The following NAALADL1 variants were observed in gnomAD, a reference collection of about 807,000 sequenced individuals.
NAALADL1 encodes the protein N-acetylated alpha-linked acidic dipeptidase like 1, also known as aminopeptidase NAALADL1.
In NAALADL1, 77 loss-of-function variants were observed where a neutral mutation model predicts 82.8. The ratio of observed to expected loss-of-function variants is 0.93; its 90% CI spans 0.77 to 1.12. NAALADL1 has a LOEUF of 1.12. Among genes scored for constraint, NAALADL1 ranks in the 50% most tolerant of loss-of-function variants. The probability of loss-of-function intolerance (pLI) is 0.00; values close to 1 mark genes in which losing one functional copy is unlikely to be tolerated. For synonymous variants in NAALADL1, 358 were observed against 399.2 expected (o/e 0.90, Z 1.23); for missense variants, 956 against 964.0 (o/e 0.99, Z 0.11).
chr11:65,049,209 T>G (rs1201404247), intron 8 of NAALADL1, among the ~76,000 whole-genome samples: 1 of 152,106 alleles, frequency 6.6e-6, no homozygotes, highest in Non-Finnish European at 1.5e-5. Flanking sequence ...TTGGTAGAGA[T>G]GGGGTTTGTC....
At chr11:65,047,833 A>G (rs1946775287) in intron 11 of NAALADL1, 95 bp from the exon 12 acceptor site, 1 of 1,474,592 alleles carries the variant, frequency 6.8e-7, no homozygotes, top group Non-Finnish European at 9.2e-7. Flanking sequence ...CCCGTGGTCC[A>G]GTCCTTACGA....
chr11:65,051,315 CTTTTTTTTT>C (rs10535126), intron 8 of NAALADL1, among the ~76,000 whole-genome samples: 25 of 59,572 alleles, frequency 4.2e-4, no homozygotes, highest in Non-Finnish European at 5.7e-4. Flanking sequence ...TTCTTTCTTT[CTTTTTTTTT>C]TTTTTTTTTT....
In NAALADL1 at chr11:65,047,499, C is replaced by G. The variant is rs776565278; in HGVS notation, c.1575G>C (p.Met525Ile). 5.1e-6 allele frequency: 8 copies of G among 1,567,682 alleles called. No individual in the cohort carries two copies. The South Asian group carries it at 5.9e-5, about 12-fold the overall frequency. ...PFVHFLGISSMDIAYTYDRSK... is the reference protein window; with the variant it reads ...PFVHFLGISSIDIAYTYDRSK... Reference sequence around the variant, plus strand: ...CCCGGTCATAGGTATAGGCAATGTCCATGGAGGAGATGCCCAGGAAGTGAA... The same window carrying G: ...CCCGGTCATAGGTATAGGCAATGTCGATGGAGGAGATGCCCAGGAAGTGAA... Residue 525 changes from methionine to isoleucine, a missense_variant, in exon 13 of 18, where the codon ATG becomes ATC. Transcript: ENST00000358658.
At chr11:65,048,604 A>C (rs767049311) in intron 8 of NAALADL1, 3 of 584,478 alleles carry the variant, frequency 5.1e-6, no homozygotes, top group Non-Finnish European at 9.2e-6. Flanking sequence ...CCCTTCTACC[A>C]GAATGCCTAC....
chr11:65,046,332 G>T lies in NAALADL1; in HGVS notation c.1712C>A (p.Thr571Lys). 1.9e-6 allele frequency: 3 copies of T among 1,614,220 alleles called. No homozygotes were observed. Among genetic ancestry groups the T allele is most frequent in the Non-Finnish European group, 2.5e-6 (3 of 1,180,046 alleles). ...GAGCCGGAGAATCACACTCCCCGCT[G>T]TCCGGGCCACAGCCTGATGGCTGCT... ...GFSSHQAVAR[T>K]AGSVILRLSD... is the part of the protein sequence containing the mutation. Residue 571 changes from threonine (T) to lysine (K), a missense_variant, in exon 15 of 18, where the codon ACA becomes AAA. Transcript: ENST00000358658.
At chr11:65,058,286 T>C in intron 1 of NAALADL1, 36 bp from the exon 2 acceptor site, 1 of 1,613,772 alleles carries the variant, frequency 6.2e-7, no homozygotes, top group South Asian at 1.1e-5. Context: ...AGGGCCAGCA[T>C]CAGGGAGGGG....
At position 65,046,213 on chromosome 11, in the gene NAALADL1, G is replaced by C. The variant is rs36053340; in HGVS notation, c.1831C>G (p.Leu611Val). Reference sequence around the variant, plus strand: ...CCCAGGCTGATGCTGTGCTGCTCCAGCAGGGCCCCAAGATCTTGCTGGGCT... The same window carrying C: ...CCCAGGCTGATGCTGTGCTGCTCCACCAGGGCCCCAAGATCTTGCTGGGCT... Reference protein sequence around the residue: ...QAAQQDLGALLEQHSISLGPL... With the variant: ...QAAQQDLGALVEQHSISLGPL... The change falls in exon 15 of 18, where the codon CTG (leucine) becomes GTG (valine). Residue 611 changes from leucine to valine, a missense_variant. Leu to Val is a conservative substitution (Grantham distance 32). Coordinates refer to ENST00000358658, the MANE Select transcript of NAALADL1 (RefSeq NM_005468.3). 73,226 of 1,614,090 alleles carry C rather than the reference G, an allele frequency of 0.045. 2,014 individuals carry two copies. Among genetic ancestry groups the C allele is most frequent in the Middle Eastern group, 0.054 (326 of 6,060 alleles).
chr11:65,051,651 C>T (rs1240678277), intron 8 of NAALADL1, among the ~76,000 whole-genome samples: 1 of 152,048 alleles, frequency 6.6e-6, no homozygotes, highest in Non-Finnish European at 1.5e-5. Context: ...CATTTCTGAA[C>T]TGCGACATCA....
intron 17 of NAALADL1, 84 bp downstream of exon 17, chr11:65,045,738 A>G: frequency 7.4e-7 from 1 of 1,354,026 alleles, no homozygotes; most frequent in Admixed American, 1.8e-5. Context: ...TAAAGGGCAG[A>G]GAAGCTGACC....
At position 65,053,567 on chromosome 11, in the gene NAALADL1, A is replaced by G. The variant is rs769939902; in HGVS notation, c.1002T>C (p.Asn334=). ...DGDFPADSQV[N]VSVYNRLELR... ...GCTCCAGGCGGTTGTAGACGCTCAC[A>G]TTCACCTGGCTGGGGAGGGTGAAGG... is the stretch of plus-strand genomic sequence containing the variant. Residue 334 remains asparagine, a synonymous_variant, in exon 7 of 18, where the codon AAT becomes AAC. Transcript: ENST00000358658. This position sits in a 1 kb window ranked among gnomAD's most constrained non-coding sequence, Gnocchi z 4.3. 16 of 1,600,402 alleles carry G rather than the reference A, an allele frequency of 1.0e-5. No individual in the cohort carries two copies. In the East Asian group the frequency reaches 3.6e-4, roughly 36 times the overall value.
In NAALADL1 at chr11:65,048,353, C is replaced by G. The variant is rs750633083; in HGVS notation, c.1231G>C (p.Ala411Pro). The G allele has an allele frequency of 3.1e-6, 5 of 1,614,204 alleles. No homozygotes were observed. The South Asian group carries it at 4.4e-5, about 14-fold the overall frequency. The change falls in exon 9 of 18, where the codon GCG becomes CCG. Residue 411 changes from alanine (A) to proline (P), a missense_variant. Coordinates refer to ENST00000358658, the MANE Select transcript of NAALADL1 (RefSeq NM_005468.3). The stretch of plus-strand genomic sequence containing the variant: ...CCAAACTCCTCAGCCCCCCAGCTCG[C>G]AAACACGATTGATCTGCGAGGACGC... ...TWRPRRSIVF[A>P]SWGAEEFGLI...
intron 13 of NAALADL1, among the ~76,000 whole-genome samples, chr11:65,046,734 T>G (rs1330677014): frequency 1.3e-5 from 2 of 152,156 alleles, no homozygotes. Flanking sequence ...AAGAGCTGGG[T>G]CTGGTGCCAG....
In NAALADL1 at chr11:65,047,566, C is replaced by T. The variant is rs200943114; in HGVS notation, c.1509-1G>A. On this transcript the variant is annotated splice_acceptor_variant, in intron 12 of 17. Coordinates refer to ENST00000358658, the MANE Select transcript of NAALADL1 (RefSeq NM_005468.3). LOFTEE classifies it high-confidence loss of function. ...GCTGCCAGCACCCAGAGAACCCAAGCTGCGGGAAGGAAGGGGGCCGGGATA... is the reference window on the plus strand; with the variant it reads ...GCTGCCAGCACCCAGAGAACCCAAGTTGCGGGAAGGAAGGGGGCCGGGATA... 8.7e-5 allele frequency: 137 copies of T among 1,572,546 alleles called. No individual in the cohort carries two copies. Among genetic ancestry groups the T allele is most frequent in the Non-Finnish European group, 1.0e-4 (121 of 1,159,192 alleles).
intron 8 of NAALADL1, among the ~76,000 whole-genome samples, chr11:65,051,149 G>T (rs1444386227): frequency 2.6e-5 from 4 of 151,784 alleles, no homozygotes; most frequent in Non-Finnish European, 5.9e-5. Flanking sequence ...GAATTTCTGC[G>T]CTACCCATAA....
chr11:65,052,780 T>TGTCCTCCTC (rs1190341874), intron 8 of NAALADL1, among the ~76,000 whole-genome samples: 1 of 152,178 alleles, frequency 6.6e-6, no homozygotes, highest in East Asian at 1.9e-4. Flanking sequence ...GCCACCTCCT[T>TGTCCTCCTC]GCCCTCCTCT....
At chr11:65,045,718 G>A in intron 17 of NAALADL1, 104 bp downstream of exon 17, 5 of 1,149,494 alleles carry the variant, frequency 4.3e-6, no homozygotes, top group Non-Finnish European at 6.3e-6. Context: ...TCAGGGGCTG[G>A]GTTGCACTCT....
chr11:65,051,962 T>C (rs1946901507), intron 8 of NAALADL1, among the ~76,000 whole-genome samples: 1 of 152,164 alleles, frequency 6.6e-6, no homozygotes, highest in African/African-American at 2.4e-5. Flanking sequence ...TGTGGATCAC[T>C]TGAGTCCTGG....
intron 8 of NAALADL1, among the ~76,000 whole-genome samples, chr11:65,051,366 C>CTTTTTTTTTTTTTTTT (rs1946885699): frequency 1.3e-5 from 1 of 79,786 alleles, no homozygotes; most frequent in Non-Finnish European, 2.5e-5. Flanking sequence ...AGACAGGGTC[C>CTTTTTTTTTTTTTTTT]TTTTCTGTTG....
chr11:65,051,315 C>CTTTTTTTTTTTTT (rs10535126), intron 8 of NAALADL1, among the ~76,000 whole-genome samples: 7 of 59,568 alleles, frequency 1.2e-4, no homozygotes, highest in African/African-American at 3.8e-4. Flanking sequence ...TTCTTTCTTT[C>CTTTTTTTTTTTTT]TTTTTTTTTT....
Sources: allele counts gnomAD v4.1 joint callset (sites outside exome capture counted in the v4.1 genomes callset), GRCh38; gene constraint gnomAD v4.1.1; non-coding constraint Gnocchi (gnomAD v3.1); transcripts MANE v1.5; gene names NCBI Gene and HGNC (gene_info 2026-07-23, HGNC 2026-07-21).